Variants in NXPH2 observed in about 807,000 individuals in gnomAD.
NXPH2 encodes the protein neurexophilin 2.
A neutral mutation model predicts 19.8 loss-of-function variants in NXPH2; 5 were observed. That is an observed-to-expected ratio of 0.25 (90% confidence interval 0.13 to 0.53). The LOEUF is 0.53. NXPH2 is among the 20% of genes least tolerant of loss of function. The probability of loss-of-function intolerance (pLI) is 0.96; values close to 1 mark genes in which losing one functional copy is unlikely to be tolerated. For synonymous variants in NXPH2, 154 were observed against 127.4 expected (o/e 1.21, Z -1.41); for missense variants, 289 against 322.8 (o/e 0.90, Z 0.80).
At chr2:138,779,473 T>TA (rs1334234612) in intron 1 of NXPH2, among the ~76,000 whole-genome samples, 1 of 152,100 alleles carries the variant, frequency 6.6e-6, no homozygotes, top group East Asian at 1.9e-4. Flanking sequence ...ATACGTTTCT[T>TA]ATTCCTCAGC....
chr2:138,758,588 C>T (rs1398745112), intron 1 of NXPH2, among the ~76,000 whole-genome samples: 1 of 152,214 alleles, frequency 6.6e-6, no homozygotes, highest in Non-Finnish European at 1.5e-5. Context: ...CACCATGGGA[C>T]TTCCTGATGA....
intron 1 of NXPH2, among the ~76,000 whole-genome samples, chr2:138,672,917 A>G (rs569671552): frequency 3.5e-4 from 54 of 152,350 alleles, no homozygotes; most frequent in African/African-American, 1.3e-3. Flanking sequence ...GAGGTTATCT[A>G]TTGTATGTTC....
At chr2:138,737,842 T>C (rs1399768378) in intron 1 of NXPH2, among the ~76,000 whole-genome samples, 9 of 152,220 alleles carry the variant, frequency 5.9e-5, no homozygotes, top group Non-Finnish European at 2.9e-5. Flanking sequence ...CCAGTCTTAC[T>C]ATATGGTAAA....
chr2:138,675,116 A>G (rs1680466911), intron 1 of NXPH2, among the ~76,000 whole-genome samples: 1 of 152,178 alleles, frequency 6.6e-6, no homozygotes, highest in Non-Finnish European at 1.5e-5. Flanking sequence ...CAATTGCTTT[A>G]TTACAAATAC....
intron 1 of NXPH2, among the ~76,000 whole-genome samples, chr2:138,695,429 G>A (rs902984661): frequency 1.3e-5 from 2 of 152,224 alleles, no homozygotes; most frequent in Non-Finnish European, 2.9e-5. Flanking sequence ...ACTAAACGAA[G>A]ACACCAGGTG....
intron 1 of NXPH2, among the ~76,000 whole-genome samples, chr2:138,707,445 G>A (rs1332951786): frequency 6.6e-6 from 1 of 152,000 alleles, no homozygotes; most frequent in Non-Finnish European, 1.5e-5. Flanking sequence ...GGCCTGATCT[G>A]GGGGGGAGAA....
At chr2:138,693,540 G>A (rs1228917695) in intron 1 of NXPH2, among the ~76,000 whole-genome samples, 1 of 151,952 alleles carries the variant, frequency 6.6e-6, no homozygotes, top group East Asian at 1.9e-4. Flanking sequence ...ACTGGTATAA[G>A]GTTGCCATAT....
rs528066276 is a variant in NXPH2, at chr2:138,763,250, C to T, written c.51+16941G>A. Among the ~76,000 whole-genome samples, 26 of 152,172 alleles carry T rather than the reference C, an allele frequency of 1.7e-4. No individual in the cohort carries two copies. The South Asian group carries it at 5.4e-3, about 32-fold the overall frequency. ...TCAATGGAGGAAAGCACTAAAATAA[C>T]AGAATAAACACAAAATCAGAAATTT... is the stretch of plus-strand genomic sequence containing the variant. On this transcript the variant is annotated intron_variant, in intron 1 of 1. Transcript: ENST00000272641.
chr2:138,776,154 G>C (rs1682259245), intron 1 of NXPH2, among the ~76,000 whole-genome samples: 1 of 152,012 alleles, frequency 6.6e-6, no homozygotes, highest in African/African-American at 2.4e-5. Context: ...ATAAAAGGTG[G>C]GCGGTGTCTT....
chr2:138,737,275 C>G (rs943723907), intron 1 of NXPH2, among the ~76,000 whole-genome samples: 4 of 152,144 alleles, frequency 2.6e-5, no homozygotes, highest in African/African-American at 9.7e-5. Flanking sequence ...TTCCACATAG[C>G]TGGGGAGGCC....
chr2:138,681,652 G>A (rs1274437219), intron 1 of NXPH2, among the ~76,000 whole-genome samples: 2 of 152,170 alleles, frequency 1.3e-5, no homozygotes, highest in South Asian at 2.1e-4. Context: ...GCAGCAAGCC[G>A]GGAGAGAAAG....
At chr2:138,673,454 A>G (rs1680440626) in intron 1 of NXPH2, among the ~76,000 whole-genome samples, 1 of 152,132 alleles carries the variant, frequency 6.6e-6, no homozygotes, top group South Asian at 2.1e-4. Flanking sequence ...ATGTGTAATG[A>G]TTAAGTCAGA....
chr2:138,747,288 T>C (rs575017251), intron 1 of NXPH2, among the ~76,000 whole-genome samples: 1 of 152,262 alleles, frequency 6.6e-6, no homozygotes, highest in East Asian at 1.9e-4. Flanking sequence ...TTGCTGGATG[T>C]CAGGTGTTCT....
chr2:138,685,274 T>C (rs1342152057), intron 1 of NXPH2, among the ~76,000 whole-genome samples: 1 of 152,184 alleles, frequency 6.6e-6, no homozygotes, highest in Non-Finnish European at 1.5e-5. Flanking sequence ...ATCCCTATAA[T>C]CATGTGAGCC....
intron 1 of NXPH2, among the ~76,000 whole-genome samples, chr2:138,773,518 A>T (rs1340407651): frequency 1.3e-5 from 2 of 152,208 alleles, no homozygotes; most frequent in Non-Finnish European, 2.9e-5. Flanking sequence ...CTACACACAC[A>T]AATGAGGAAT....
chr2:138,703,150 T>C (rs779246469), intron 1 of NXPH2, among the ~76,000 whole-genome samples: 4 of 152,236 alleles, frequency 2.6e-5, no homozygotes, highest in African/African-American at 4.8e-5. Context: ...GAACTGTTAA[T>C]AATTTAGCTA....
At chr2:138,772,110 C>A (rs778763823) in intron 1 of NXPH2, among the ~76,000 whole-genome samples, 3 of 152,076 alleles carry the variant, frequency 2.0e-5, no homozygotes, top group Admixed American at 2.0e-4. Flanking sequence ...AGCCCGTGAA[C>A]CCACACTTTC....
chr2:138,742,082 C>A (rs1211089617), intron 1 of NXPH2, among the ~76,000 whole-genome samples: 2 of 152,114 alleles, frequency 1.3e-5, no homozygotes, highest in Non-Finnish European at 2.9e-5. Context: ...AAAATTTGGA[C>A]CAGATTGAAT....
At chr2:138,767,432 C>G (rs962845859) in intron 1 of NXPH2, among the ~76,000 whole-genome samples, 1 of 152,230 alleles carries the variant, frequency 6.6e-6, no homozygotes, top group Non-Finnish European at 1.5e-5. Context: ...TCCCCTGAGA[C>G]CCTTGCATGC....
Sources: gnomAD v4.1 joint callset for allele counts (sites outside exome capture counted in the v4.1 genomes callset) on GRCh38, gnomAD v4.1.1 for gene constraint, MANE v1.5 for transcripts, NCBI Gene and HGNC (gene_info 2026-07-23, HGNC 2026-07-21) for gene names.